The following EPB41L4B variants were observed in gnomAD, a reference collection of about 807,000 sequenced individuals.
The protein encoded by EPB41L4B is erythrocyte membrane protein band 4.1 like 4B, also known as band 4.1-like protein 4B.
A neutral mutation model predicts 112.5 loss-of-function variants in EPB41L4B; 30 were observed. The ratio of observed to expected loss-of-function variants is 0.27; its 90% CI spans 0.20 to 0.36. EPB41L4B has a LOEUF of 0.36. EPB41L4B is among the 10% of genes least tolerant of loss of function. The pLI, the probability that EPB41L4B is intolerant of heterozygous loss-of-function variation, is 1.00. For missense variants in EPB41L4B, 1,024 were observed against 1,133.3 expected, an observed-to-expected ratio of 0.90 and a Z score of 1.38; for synonymous variants, 408 against 439.7, an observed-to-expected ratio of 0.93 and a Z score of 0.90.
At chr9:109,226,152 T>C (rs951321498) in intron 15 of EPB41L4B, among the ~76,000 whole-genome samples, 2 of 152,182 alleles carry the variant, frequency 1.3e-5, no homozygotes, top group Non-Finnish European at 2.9e-5. Flanking sequence ...CAACTTACAC[T>C]GTTTACAGGA....
At chr9:109,192,385 G>A in intron 21 of EPB41L4B, 30 bp from the exon 22 acceptor site, 1 of 1,548,470 alleles carries the variant, frequency 6.5e-7, no homozygotes, top group Non-Finnish European at 8.8e-7. Flanking sequence ...CCCCTGGTTA[G>A]AGACGGCACT....
chr9:109,214,198 G>A (rs192812047), intron 16 of EPB41L4B, among the ~76,000 whole-genome samples: 29 of 152,268 alleles, frequency 1.9e-4, no homozygotes, highest in African/African-American at 6.0e-4. Flanking sequence ...TTAGTGTTCA[G>A]GCAAACAGGC....
chr9:109,285,049 C>G (rs1350830823), intron 1 of EPB41L4B, among the ~76,000 whole-genome samples: 1 of 152,208 alleles, frequency 6.6e-6, no homozygotes, highest in Non-Finnish European at 1.5e-5. Flanking sequence ...TTCCCCAAAT[C>G]CATATCGCCA....
chr9:109,238,287 T>C (rs1564286307), intron 15 of EPB41L4B, among the ~76,000 whole-genome samples: 1 of 152,154 alleles, frequency 6.6e-6, no homozygotes, highest in Non-Finnish European at 1.5e-5. Context: ...ATGATACCAA[T>C]GCCTCAAACG....
rs1564302872 is a variant in EPB41L4B, at chr9:109,262,449, G to GC, written c.631+600_631+601insG. Among the ~76,000 whole-genome samples the GC allele has an allele frequency of 1.0e-3, 46 of 45,346 alleles. 1 individual carries two copies. In the Admixed American group the frequency reaches 0.013, roughly 13 times the overall value. 29.7% of individuals were successfully genotyped at this position (45,346 alleles called of 152,430 possible). The stretch of plus-strand genomic sequence containing the variant: ...GCCAATGCTATTTCTTGGTGTGTGT[G>GC]GGGGTGTGTGTGTGTGTGTGTGTGT... On this transcript the variant is annotated intron_variant, in intron 6 of 25. Coordinates refer to ENST00000374566, the MANE Select transcript of EPB41L4B (RefSeq NM_019114.5).
At chr9:109,304,658 A>T (rs1057211411) in intron 1 of EPB41L4B, among the ~76,000 whole-genome samples, 1 of 152,192 alleles carries the variant, frequency 6.6e-6, no homozygotes, top group African/African-American at 2.4e-5. Context: ...TATAATGAGG[A>T]TACCAATAGG....
chr9:109,320,109 TG>T lies in EPB41L4B; in HGVS notation c.306+31del, dbSNP rs1040713208. On this transcript the variant is annotated intron_variant, in intron 1 of 25. Coordinates refer to ENST00000374566, the MANE Select transcript of EPB41L4B (RefSeq NM_019114.5). ...GGGAGCTGCCTCCAGGGGCGCGAGG[TG>T]CCAGTGCCCCAGACTGGCCCCGTCA... 14 of 1,398,708 alleles carry T rather than the reference TG, an allele frequency of 1.0e-5. No homozygotes were observed. The African/African-American group carries it at 2.1e-4, about 21-fold the overall frequency. The allele number at this position is 1,398,708 out of a possible 1,614,324, so 86.6% of individuals were successfully genotyped here.
At chr9:109,256,085 C>T in intron 9 of EPB41L4B, 51 bp downstream of exon 9, 1 of 1,510,454 alleles carries the variant, frequency 6.6e-7, no homozygotes, top group South Asian at 1.1e-5. Context: ...ACATAGAATT[C>T]CACCACAAAA....
At chr9:109,223,261 C>T (rs146333876) in intron 15 of EPB41L4B, among the ~76,000 whole-genome samples, 3 of 151,828 alleles carry the variant, frequency 2.0e-5, no homozygotes, top group Non-Finnish European at 4.4e-5. Context: ...ATGGGGTGAT[C>T]CCATTTCCAC....
intron 15 of EPB41L4B, among the ~76,000 whole-genome samples, chr9:109,239,292 G>T (rs114638787): frequency 6.6e-6 from 1 of 152,140 alleles, no homozygotes; most frequent in African/African-American, 2.4e-5. Context: ...CTTACTGTGG[G>T]TAAAAAAGGG....
chr9:109,288,436 T>C (rs1318534390), intron 1 of EPB41L4B, among the ~76,000 whole-genome samples: 3 of 151,858 alleles, frequency 2.0e-5, no homozygotes, highest in Non-Finnish European at 2.9e-5. Context: ...TAAAAAAAAC[T>C]AGGGCTAGGC....
At chr9:109,215,151 G>C (rs1260002744) in intron 16 of EPB41L4B, among the ~76,000 whole-genome samples, 1 of 152,188 alleles carries the variant, frequency 6.6e-6, no homozygotes, top group East Asian at 1.9e-4. Context: ...ATCAGAGCTG[G>C]AAGATTCCTT....
At chr9:109,302,023 A>G (rs559263909) in intron 1 of EPB41L4B, among the ~76,000 whole-genome samples, 1 of 152,372 alleles carries the variant, frequency 6.6e-6, no homozygotes, top group South Asian at 2.1e-4. Context: ...CCTAAAGTGC[A>G]GCAAAACAAC....
intron 17 of EPB41L4B, among the ~76,000 whole-genome samples, chr9:109,212,381 G>T (rs1335809683): frequency 6.6e-6 from 1 of 152,180 alleles, no homozygotes; most frequent in Non-Finnish European, 1.5e-5. Context: ...GGGCAAGCCT[G>T]CTCAATAAAG....
chr9:109,309,696 C>A lies in EPB41L4B; in HGVS notation c.306+10445G>T, dbSNP rs534411012. Among the ~76,000 whole-genome samples, 37 of 151,894 alleles carry A rather than the reference C, an allele frequency of 2.4e-4. 1 individual carries two copies. The highest frequency in any genetic ancestry group is 8.2e-4 in the African/African-American group (34 of 41,410). ...GGGAGAATTGCTTGAGGCCAGGAGT[C>A]TGAGAATGGCCTAGGCAACACAACC... On this transcript the variant is annotated intron_variant, in intron 1 of 25. Transcript: ENST00000374566.
intron 15 of EPB41L4B, among the ~76,000 whole-genome samples, chr9:109,239,034 A>G (rs1834256730): frequency 1.3e-5 from 2 of 152,214 alleles, no homozygotes; most frequent in South Asian, 4.1e-4. Context: ...GCAATGGCAC[A>G]GGCCGACTGT....
At chr9:109,299,299 A>T (rs1293136575) in intron 1 of EPB41L4B, among the ~76,000 whole-genome samples, 2 of 152,182 alleles carry the variant, frequency 1.3e-5, no homozygotes, top group Non-Finnish European at 2.9e-5. Flanking sequence ...TCTTTAAGAC[A>T]AGGTCTCACT....
At chr9:109,265,082 C>A in intron 4 of EPB41L4B, 58 bp from the exon 5 acceptor site, 1 of 1,464,974 alleles carries the variant, frequency 6.8e-7, no homozygotes, top group Non-Finnish European at 9.4e-7. Context: ...GCTCCCAATC[C>A]CCAGCTTCCC....
At chr9:109,274,336 C>T (rs1277392377) in intron 2 of EPB41L4B, among the ~76,000 whole-genome samples, 3 of 152,084 alleles carry the variant, frequency 2.0e-5, no homozygotes, top group Admixed American at 6.6e-5. Context: ...AATCCCTGCC[C>T]CTCCTCTGCC....
Sources: gnomAD v4.1 joint callset for allele counts (sites outside exome capture counted in the v4.1 genomes callset) on GRCh38, gnomAD v4.1.1 for gene constraint, MANE v1.5 for transcripts, NCBI Gene and HGNC (gene_info 2026-07-23, HGNC 2026-07-21) for gene names.